Variants in PROM2 observed in about 807,000 individuals in gnomAD.
PROM2 encodes the protein prominin 2.
PROM2 carries 90 observed loss-of-function variants against 110.2 expected under a neutral mutation model. The observed-to-expected ratio is 0.82, with a 90% CI of 0.69 to 0.97. PROM2 has a LOEUF of 0.97. PROM2 is among the 50% of genes least tolerant of loss of function. The probability of loss-of-function intolerance (pLI) is 0.00; values close to 1 mark genes in which losing one functional copy is unlikely to be tolerated. For missense variants in PROM2, 1,009 were observed against 1,074.8 expected, an observed-to-expected ratio of 0.94 and a Z score of 0.86; for synonymous variants, 470 against 467.8, an observed-to-expected ratio of 1.00 and a Z score of -0.06.
rs1220402773 is a variant in PROM2 at position 95,282,127 on chromosome 2, C to T, written c.1644-15C>T. On this transcript the variant is annotated splice_polypyrimidine_tract_variant and intron_variant, in intron 13 of 23. Transcript: ENST00000317620. Reference sequence around the variant, plus strand: ...CCCCCAAGGCTCATCGTCTGCACCCCTCACTCCTCCTCAGGCAGTGCAAGG... The same window carrying T: ...CCCCCAAGGCTCATCGTCTGCACCCTTCACTCCTCCTCAGGCAGTGCAAGG... The T allele has an allele frequency of 1.2e-6, 2 of 1,613,552 alleles. No homozygotes were observed. The highest frequency in any genetic ancestry group is 8.5e-7 in the Non-Finnish European group (1 of 1,179,700).
In PROM2 at chr2:95,281,953, C is replaced by T. The variant is rs146706380; in HGVS notation, c.1580C>T (p.Pro527Leu). The T allele has an allele frequency of 1.6e-5, 26 of 1,613,990 alleles. No individual in the cohort carries two copies. The highest frequency in any genetic ancestry group is 9.3e-5 in the African/African-American group (7 of 74,906). The change falls in exon 13 of 24, where the codon CCG becomes CTG. Residue 527 changes from proline (P) to leucine (L), a missense_variant. Physicochemically the swap from Pro to Leu is moderately conservative, Grantham distance 98 (BLOSUM62 -3). Transcript: ENST00000317620. ...GCAGACACCCCAGGGAACCTGCCCC[C>T]GTCCATGAACCTGTCGCAACTTCTT... ...EFADTPGNLP[P>L]SMNLSQLLGL... is the part of the protein sequence containing the mutation.
chr2:95,286,213 G>A (rs1677347101), intron 16 of PROM2, among the ~76,000 whole-genome samples: 5 of 152,228 alleles, frequency 3.3e-5, no homozygotes, highest in Admixed American at 3.3e-4. Context: ...GGTGGGCAGA[G>A]CCAGAAGCAT....
intron 8 of PROM2, chr2:95,278,265 C>T: frequency 1.8e-6 from 1 of 570,178 alleles, no homozygotes; most frequent in Non-Finnish European, 3.1e-6. Flanking sequence ...GGGCAGGCGG[C>T]TCCCCTGGGT....
At position 95,276,137 on chromosome 2, in the gene PROM2, G is replaced by C; in HGVS notation, c.497+5G>C. ...GCTGACCACCCTCTTGCTGCTGTAA[G>C]GCGCTGCCCAGGGCCCGGGTAGGGC... On this transcript the variant is annotated splice_donor_5th_base_variant and intron_variant, in intron 3 of 23. Transcript: ENST00000317620. This position sits in a 1 kb window ranked among gnomAD's most constrained non-coding sequence, Gnocchi z 4.6. 1 of 1,611,972 alleles carries C rather than the reference G, an allele frequency of 6.2e-7. No individual in the cohort carries two copies. The highest frequency in any genetic ancestry group is 8.5e-7 in the Non-Finnish European group (1 of 1,179,232).
At position 95,278,954 on chromosome 2, in the gene PROM2, G is replaced by T. The variant is rs375097342; in HGVS notation, c.1115-31G>T. 4.4e-6 allele frequency: 7 copies of T among 1,595,876 alleles called. No homozygotes were observed. The African/African-American group carries it at 9.4e-5, about 21-fold the overall frequency. The stretch of plus-strand genomic sequence containing the variant: ...GTTCCTGGGCCCCAGGGTGCCCTCC[G>T]CATCCCACAAGTCCCTGTTACTTTG... On this transcript the variant is annotated intron_variant, in intron 9 of 23. Coordinates refer to ENST00000317620, the MANE Select transcript of PROM2 (RefSeq NM_001165978.3).
chr2:95,288,955 C>G lies in PROM2; in HGVS notation c.2464C>G (p.Gln822Glu). 6.2e-7 allele frequency: 1 copy of G among 1,614,138 alleles called. No homozygotes were observed. The highest frequency in any genetic ancestry group is 8.5e-7 in the Non-Finnish European group (1 of 1,179,992). ...CAGCTCCACCAGCTCTGAGGAGACT[C>G]AGCTCTTCCACATCCCCCGGGTTAC... is the stretch of plus-strand genomic sequence containing the variant. ...RLSSTSSEET[Q>E]LFHIPRVTSL... Residue 822 changes from glutamine (Q) to glutamate (E), a missense_variant, in exon 23 of 24, where the codon CAG (glutamine) becomes GAG (glutamate). Transcript: ENST00000317620.
At position 95,290,058 on chromosome 2, in the gene PROM2, C is replaced by T. The variant is rs1677610855; in HGVS notation, c.*845C>T. 6.6e-6 allele frequency: 1 copy of T among 152,342 alleles called. No homozygotes were observed. Among genetic ancestry groups the T allele is most frequent in the African/African-American group, 2.4e-5 (1 of 41,474 alleles). The allele number at this position is 152,342 out of a possible 1,614,324, so 9.4% of individuals were successfully genotyped here. A position where few individuals can be genotyped will look rare whatever the true frequency, so the allele number is the denominator to read the frequency against. ...GGCTCCCAAGGAAGGGACCTGGGAC[C>T]TGGGCCACAGTGGGGGCTTGCCCTT... On this transcript the variant is annotated 3_prime_UTR_variant, in exon 24 of 24. Transcript: ENST00000317620.
chr2:95,288,137 C>A, intron 20 of PROM2, 74 bp from the exon 21 acceptor site: 1 of 1,468,870 alleles, frequency 6.8e-7, no homozygotes, highest in Non-Finnish European at 9.4e-7. Context: ...CAACCACTCT[C>A]CCTGAATTGA....
chr2:95,277,834 T>C, intron 7 of PROM2, 96 bp from the exon 8 acceptor site: 1 of 1,045,570 alleles, frequency 9.6e-7, no homozygotes, highest in South Asian at 1.4e-5. Context: ...TTGAGGACAT[T>C]GGGGTTCAGA....
At chr2:95,287,021 G>T (rs1677402121) in intron 18 of PROM2, 112 bp from the exon 19 acceptor site, 1 of 1,286,440 alleles carries the variant, frequency 7.8e-7, no homozygotes, top group Non-Finnish European at 1.1e-6. Context: ...ACCACCCTTG[G>T]CTTGTCTGTT....
chr2:95,283,300 A>G (rs1677155478), intron 14 of PROM2, among the ~76,000 whole-genome samples: 1 of 152,208 alleles, frequency 6.6e-6, no homozygotes, highest in Non-Finnish European at 1.5e-5. Context: ...GGGAGGGTCC[A>G]GCTCACAGGA....
In PROM2 at chr2:95,276,733, C is replaced by A. The variant is rs1676688458; in HGVS notation, c.682+76C>A. 6.7e-7 allele frequency: 1 copy of A among 1,493,942 alleles called. No homozygotes were observed. Among genetic ancestry groups the A allele is most frequent in the Non-Finnish European group, 9.3e-7 (1 of 1,077,062 alleles). The allele number at this position is 1,493,942 out of a possible 1,614,324, so 92.5% of individuals were successfully genotyped here. A position where few individuals can be genotyped will look rare whatever the true frequency, so the allele number is the denominator to read the frequency against. On this transcript the variant is annotated intron_variant, in intron 5 of 23. Transcript: ENST00000317620. The surrounding 1 kb of genome is among the most constrained non-coding windows in gnomAD (Gnocchi z 4.6). ...CTCGGGTGCCTCGGTGGGGGCCTCTCACTCCCTCATTCTGGACACCCCCGG... is the reference window on the plus strand; with the variant it reads ...CTCGGGTGCCTCGGTGGGGGCCTCTAACTCCCTCATTCTGGACACCCCCGG...
chr2:95,277,858 C>T (rs555104211), intron 7 of PROM2, 72 bp from the exon 8 acceptor site: 1 of 1,323,536 alleles, frequency 7.6e-7, no homozygotes, highest in Non-Finnish European at 1.1e-6. Context: ...CCCTGCCCCC[C>T]TCATCCACCC....
chr2:95,289,187 C>T, intron 23 of PROM2, 37 bp from the exon 24 acceptor site: 1 of 607,792 alleles, frequency 1.6e-6, no homozygotes. Flanking sequence ...TTCTCCCCTC[C>T]CTCCCCTTCA....
At chr2:95,288,769 C>T (rs1661487010) in intron 22 of PROM2, among the ~76,000 whole-genome samples, 164 bp from the exon 23 acceptor site, 1 of 152,242 alleles carries the variant, frequency 6.6e-6, no homozygotes, top group South Asian at 2.1e-4. Context: ...TATGTCTGCC[C>T]CTTACCCTTC....
chr2:95,282,897 C>T (rs2104121381), intron 14 of PROM2, among the ~76,000 whole-genome samples: 1 of 152,284 alleles, frequency 6.6e-6, no homozygotes, highest in Admixed American at 6.5e-5. Context: ...CTGGGGAAAC[C>T]CACATCCCCT....
At position 95,290,758 on chromosome 2, in the gene PROM2, G is replaced by A. The variant is rs1378008933; in HGVS notation, c.*1545G>A. 5.2e-5 allele frequency: 8 copies of A among 152,384 alleles called. 1 individual carries two copies. The highest frequency in any genetic ancestry group is 6.8e-3 in the Middle Eastern group (2 of 294). The allele number at this position is 152,384 out of a possible 1,614,324, so 9.4% of individuals were successfully genotyped here. On this transcript the variant is annotated 3_prime_UTR_variant, in exon 24 of 24. Transcript: ENST00000317620. ...AGCTAGCATCCGGGCATGTACGAGGGAAGAGGGAGGCAGGCCTCTATTCAA... is the reference window on the plus strand; with the variant it reads ...AGCTAGCATCCGGGCATGTACGAGGAAAGAGGGAGGCAGGCCTCTATTCAA...
rs1030695154 is a variant in PROM2, at chr2:95,286,705, T to TCTCCC, written c.2041-84_2041-80dup. The TCTCCC allele has an allele frequency of 1.2e-4, 43 of 350,170 alleles. 1 individual carries two copies. Among genetic ancestry groups the TCTCCC allele is most frequent in the South Asian group, 8.1e-4 (39 of 48,032 alleles). 21.7% of individuals were successfully genotyped at this position (350,170 alleles called of 1,614,324 possible). On this transcript the variant is annotated intron_variant, in intron 17 of 23. Coordinates refer to ENST00000317620, the MANE Select transcript of PROM2 (RefSeq NM_001165978.3). ...CCTCCTCTCCCCTCCTCTCCCCTCC[T>TCTCCC]CTCCCCTCCCCTCCCCTCCACTCCC... is the stretch of plus-strand genomic sequence containing the variant.
chr2:95,279,907 G>T lies in PROM2; in HGVS notation c.1337G>T (p.Gly446Val). Residue 446 changes from glycine to valine, a missense_variant, in exon 11 of 24, where the codon GGC becomes GTC. By Grantham distance (109) the Gly-to-Val change is moderately radical (BLOSUM62 -3). Transcript: ENST00000317620. The stretch of plus-strand genomic sequence containing the variant: ...TTCGTGGTGCTCTGCAACCTGCTGG[G>T]CCTCAATCTGGGCATCTGGGGCCTG... ...VLFVVLCNLLGLNLGIWGLSA... is the reference protein window; with the variant it reads ...VLFVVLCNLLVLNLGIWGLSA... The T allele has an allele frequency of 1.3e-6, 2 of 1,560,252 alleles. No homozygotes were observed.
Sources: allele counts gnomAD v4.1 joint callset (sites outside exome capture counted in the v4.1 genomes callset), GRCh38; gene constraint gnomAD v4.1.1; non-coding constraint Gnocchi (gnomAD v3.1); transcripts MANE v1.5; gene names NCBI Gene and HGNC (gene_info 2026-07-23, HGNC 2026-07-21).